Variants in NOL4L observed in about 807,000 individuals in gnomAD.
NOL4L encodes the protein nucleolar protein 4-like.
In NOL4L, 7 loss-of-function variants were observed where a neutral mutation model predicts 64.5. The observed-to-expected ratio is 0.11, with a 90% CI of 0.06 to 0.20. The LOEUF (loss-of-function observed/expected upper bound fraction) is 0.20, where lower values mean the gene tolerates loss of function less well. Among genes scored for constraint, NOL4L ranks in the 10% least tolerant of loss-of-function variants. The probability of loss-of-function intolerance (pLI) is 1.00; values close to 1 mark genes in which losing one functional copy is unlikely to be tolerated. For missense variants in NOL4L, 680 were observed against 967.1 expected (o/e 0.70, Z 3.94); for synonymous variants, 413 against 401.0 (o/e 1.03, Z -0.36).
chr20:32,539,591 T>C (rs1408828819), intron 1 of NOL4L, among the ~76,000 whole-genome samples: 3 of 152,246 alleles, frequency 2.0e-5, no homozygotes, highest in Admixed American at 6.5e-5. Flanking sequence ...AGCTCCATCC[T>C]GTCCCATCGC....
rs371056802 is a variant in NOL4L at position 32,459,246 on chromosome 20, CT to C, written c.842-2852del. 5.7e-3 allele frequency among the ~76,000 whole-genome samples: 800 copies of C among 140,068 alleles called. 1 individual carries two copies. The highest frequency in any genetic ancestry group is 0.011 in the Middle Eastern group (3 of 276). The allele number at this position is 140,068 out of a possible 152,430, so 91.9% of individuals were successfully genotyped here. The stretch of plus-strand genomic sequence containing the variant: ...ATTGGCGACTCAGTTACATGGTTTA[CT>C]TTTTTTTTTTTTTTTTAGGGTCTTG... On this transcript the variant is annotated intron_variant, in intron 5 of 10. Coordinates refer to ENST00000621426, the MANE Select transcript of NOL4L (RefSeq NM_001256798.2).
intron 4 of NOL4L, chr20:32,510,209 G>GACACAGTTCTAGC (rs2017335265): frequency 2.8e-6 from 1 of 356,130 alleles, no homozygotes. Flanking sequence ...AGACGTGGGA[G>GACACAGTTCTAGC]ACACAGTTCT....
intron 3 of NOL4L, among the ~76,000 whole-genome samples, chr20:32,514,986 G>A (rs556523920): frequency 7.2e-5 from 11 of 152,304 alleles, no homozygotes; most frequent in African/African-American, 2.2e-4. Flanking sequence ...TGGGAGGCAC[G>A]GAGGCGGGGA....
In NOL4L at chr20:32,453,057, G is replaced by T; in HGVS notation, c.1498-51C>A. 6.2e-7 allele frequency: 1 copy of T among 1,606,014 alleles called. No homozygotes were observed. The stretch of plus-strand genomic sequence containing the variant: ...AGCATGGGGCCCGTGGGGGCCCTGG[G>T]CTTGTGCAGAGACCCTGCCCCAGGG... On this transcript the variant is annotated intron_variant, in intron 8 of 10. Coordinates refer to ENST00000621426, the MANE Select transcript of NOL4L (RefSeq NM_001256798.2). The surrounding 1 kb of genome is among the most constrained non-coding windows in gnomAD (Gnocchi z 5.6).
intron 4 of NOL4L, among the ~76,000 whole-genome samples, chr20:32,488,672 G>A (rs74338141): frequency 0.014 from 2,202 of 152,312 alleles, 56 homozygotes; most frequent in African/African-American, 0.05. Flanking sequence ...ACTTGGGAAT[G>A]TAAGTAGATG....
intron 10 of NOL4L, 138 bp from the exon 11 acceptor site, chr20:32,447,954 A>G: frequency 1.7e-6 from 2 of 1,146,490 alleles, no homozygotes; most frequent in Non-Finnish European, 1.2e-6. Context: ...GCTCTGGTCC[A>G]TCTCCCTGAT....
intron 1 of NOL4L, chr20:32,572,582 T>A (rs1360439957): frequency 1.3e-5 from 2 of 152,330 alleles, no homozygotes; most frequent in African/African-American, 4.8e-5. Flanking sequence ...CTGAACTCCG[T>A]GGAGCCCACT....
At chr20:32,566,936 GAT>G (rs1979467595) in intron 1 of NOL4L, among the ~76,000 whole-genome samples, 1 of 152,250 alleles carries the variant, frequency 6.6e-6, no homozygotes, top group Non-Finnish European at 1.5e-5. Context: ...GGACAGAGCA[GAT>G]GCTTGGCAAA....
intron 5 of NOL4L, among the ~76,000 whole-genome samples, chr20:32,465,745 A>ATTGCAGTC (rs1178354489): frequency 6.6e-6 from 1 of 152,228 alleles, no homozygotes; most frequent in Non-Finnish European, 1.5e-5. Context: ...GGTTCGGTGC[A>ATTGCAGTC]TTGCAGTCCT....
At chr20:32,550,961 C>A (rs1025106600) in intron 1 of NOL4L, among the ~76,000 whole-genome samples, 1 of 151,694 alleles carries the variant, frequency 6.6e-6, no homozygotes, top group Non-Finnish European at 1.5e-5. Flanking sequence ...GAGGCTGAGA[C>A]AGAAGAATTA....
chr20:32,541,018 C>CAA (rs2018646135), intron 1 of NOL4L, among the ~76,000 whole-genome samples: 1 of 144,714 alleles, frequency 6.9e-6, no homozygotes. Context: ...TACACACACA[C>CAA]ACACACACAC....
intron 4 of NOL4L, among the ~76,000 whole-genome samples, chr20:32,502,545 C>T (rs755691187): frequency 4.0e-5 from 6 of 151,060 alleles, no homozygotes; most frequent in Admixed American, 6.6e-5. Context: ...GTGAGGATCA[C>T]GCCACTACAC....
intron 3 of NOL4L, among the ~76,000 whole-genome samples, chr20:32,512,118 C>G (rs1232338171): frequency 6.6e-6 from 1 of 152,178 alleles, no homozygotes; most frequent in Non-Finnish European, 1.5e-5. Context: ...CCACATGGGG[C>G]CCCCACTCCC....
chr20:32,515,583 G>A (rs945052389), intron 3 of NOL4L, among the ~76,000 whole-genome samples: 36 of 150,856 alleles, frequency 2.4e-4, no homozygotes, highest in Non-Finnish European at 2.2e-4. Context: ...AGTGGAAGCC[G>A]CAGAGTCAGA....
intron 9 of NOL4L, among the ~76,000 whole-genome samples, chr20:32,452,652 CA>C (rs2145427429): frequency 6.6e-6 from 1 of 152,310 alleles, no homozygotes; most frequent in Admixed American, 6.5e-5. Flanking sequence ...CGTATTTGAT[CA>C]GGGCCCTCTG....
In NOL4L at chr20:32,460,277, T is replaced by G. The variant is rs1851850637; in HGVS notation, c.842-3882A>C. Among the ~76,000 whole-genome samples, 1 of 152,174 alleles carries G rather than the reference T, an allele frequency of 6.6e-6. No homozygotes were observed. The highest frequency in any genetic ancestry group is 6.5e-5 in the Admixed American group (1 of 15,278). On this transcript the variant is annotated intron_variant, in intron 5 of 10. Transcript: ENST00000621426. The surrounding 1 kb of genome is among the most constrained non-coding windows in gnomAD (Gnocchi z 5.7). ...TAGGCTCTATCTGCCATTATCTCAT[T>G]TTCTCATGCCGCACACACAGAGCCT...
At chr20:32,541,948 T>C (rs946521973) in intron 1 of NOL4L, among the ~76,000 whole-genome samples, 11 of 152,210 alleles carry the variant, frequency 7.2e-5, no homozygotes, top group South Asian at 2.1e-4. Flanking sequence ...GCAATAATAT[T>C]GAGGACTTGT....
chr20:32,480,111 C>T (rs748963016), intron 4 of NOL4L, among the ~76,000 whole-genome samples: 27 of 152,160 alleles, frequency 1.8e-4, no homozygotes, highest in Non-Finnish European at 3.5e-4. Flanking sequence ...GATTATTTTA[C>T]AACTGGGGTC....
chr20:32,466,531 T>G (rs1407413771), intron 5 of NOL4L, among the ~76,000 whole-genome samples: 2 of 152,084 alleles, frequency 1.3e-5, no homozygotes, highest in African/African-American at 4.8e-5. Context: ...AGCCAATCCC[T>G]GGAAGGCTTG....
Sources: gnomAD v4.1 joint callset for allele counts (sites outside exome capture counted in the v4.1 genomes callset) on GRCh38, gnomAD v4.1.1 for gene constraint, Gnocchi (gnomAD v3.1) non-coding constraint, MANE v1.5 for transcripts, NCBI Gene and HGNC (gene_info 2026-07-23, HGNC 2026-07-21) for gene names.